Variants in IMPG2 observed in about 807,000 individuals in gnomAD.
The protein encoded by IMPG2 is interphotoreceptor matrix proteoglycan 2, also known as IPM 200.
IMPG2 carries 91 observed loss-of-function variants against 129.2 expected under a neutral mutation model. The ratio of observed to expected loss-of-function variants is 0.70; its 90% CI spans 0.59 to 0.84. The LOEUF (loss-of-function observed/expected upper bound fraction) is 0.84, where lower values mean the gene tolerates loss of function less well. Among genes scored for constraint, IMPG2 ranks in the 40% least tolerant of loss-of-function variants. IMPG2 has a pLI of 0.00. For synonymous variants in IMPG2, 510 were observed against 517.7 expected, an observed-to-expected ratio of 0.99 and a Z score of 0.20; for missense variants, 1,430 against 1,461.7, an observed-to-expected ratio of 0.98 and a Z score of 0.35.
At chr3:101,240,572 C>A (rs1706395992) in intron 14 of IMPG2, among the ~76,000 whole-genome samples, 1 of 152,154 alleles carries the variant, frequency 6.6e-6, no homozygotes, top group Non-Finnish European at 1.5e-5. Flanking sequence ...CAATATTACC[C>A]CCATTTAATA....
Position 101,229,471 on chromosome 3 carries a change from G to A in IMPG2, c.3542C>T (p.Pro1181Leu), listed in dbSNP as rs1332601267. ...EKYEGPYPQH[P>L]FYSSASGDVI... ...GTCTCCGCTAGCAGAGCTGTAGAAG[G>A]GATGCTGAGGATAGGGTCCCTCATA... The change falls in exon 17 of 19, where the codon CCC becomes CTC. Residue 1181 changes from proline to leucine, a missense_variant. Pro to Leu is a moderately conservative substitution (Grantham distance 98, BLOSUM62 -3). Transcript: ENST00000193391. The A allele has an allele frequency of 1.2e-6, 2 of 1,613,408 alleles. No homozygotes were observed. Among genetic ancestry groups the A allele is most frequent in the Non-Finnish European group, 1.7e-6 (2 of 1,180,016 alleles).
Position 101,245,787 on chromosome 3 carries a change from A to G in IMPG2, c.1543+15T>C, listed in dbSNP as rs1706469318. ...GATACAATAAGAAGTACGAAAAGCA[A>G]TTAAAGTTTCTCACCATCTTCTACC... On this transcript the variant is annotated intron_variant, in intron 12 of 18. Coordinates refer to ENST00000193391, the MANE Select transcript of IMPG2 (RefSeq NM_016247.4). 2 of 1,611,156 alleles carry G rather than the reference A, an allele frequency of 1.2e-6. No homozygotes were observed. The highest frequency in any genetic ancestry group is 1.7e-6 in the Non-Finnish European group (2 of 1,177,508).
Position 101,244,514 on chromosome 3 carries a change from C to T in IMPG2, c.1817G>A (p.Gly606Glu), listed in dbSNP as rs1358493729. Residue 606 changes from glycine (G) to glutamate (E), a missense_variant, in exon 13 of 19, where the codon GGG (glycine) becomes GAG (glutamate). Transcript: ENST00000193391. ...IFDGGLGSGS[G>E]QKVDLITWPW... ...CCAAGTAATCAGATCTACCTTTTGC[C>T]CAGACCCTGAACCTAAACCACCGTC... is the stretch of plus-strand genomic sequence containing the variant. 6.2e-7 allele frequency: 1 copy of T among 1,607,658 alleles called. No individual in the cohort carries two copies. The highest frequency in any genetic ancestry group is 1.1e-5 in the South Asian group (1 of 90,372).
chr3:101,270,718 T>A (rs1376214531), intron 7 of IMPG2, among the ~76,000 whole-genome samples: 2 of 151,962 alleles, frequency 1.3e-5, no homozygotes, highest in Admixed American at 6.6e-5. Flanking sequence ...GAGAATGGCG[T>A]GAACCCGGGA....
At chr3:101,303,587 AG>A (rs1191581069) in intron 3 of IMPG2, among the ~76,000 whole-genome samples, 26 of 152,328 alleles carry the variant, frequency 1.7e-4, no homozygotes, top group African/African-American at 6.0e-4. Flanking sequence ...CTACACGAAA[AG>A]GGAAAAGTGG....
chr3:101,261,295 G>A (rs546161183), intron 9 of IMPG2, among the ~76,000 whole-genome samples: 60 of 152,140 alleles, frequency 3.9e-4, no homozygotes, highest in Non-Finnish European at 7.6e-4. Context: ...AAAGGAGGAG[G>A]AGGAAAGGCT....
intron 3 of IMPG2, among the ~76,000 whole-genome samples, chr3:101,297,329 A>AT (rs1707091357): frequency 1.3e-5 from 2 of 149,366 alleles, no homozygotes; most frequent in Admixed American, 6.6e-5. Context: ...TATTTTGTAA[A>AT]TTTTTTCAGA....
At chr3:101,276,771 G>A in intron 4 of IMPG2, 58 bp from the exon 5 acceptor site, 2 of 1,335,292 alleles carry the variant, frequency 1.5e-6, no homozygotes, top group Non-Finnish European at 2.1e-6. Context: ...GTTTATTTTG[G>A]GATTTTTGGG....
chr3:101,253,602 A>G (rs2107229761), intron 11 of IMPG2, 94 bp downstream of exon 11: 6 of 833,418 alleles, frequency 7.2e-6, no homozygotes, highest in Non-Finnish European at 1.2e-5. Flanking sequence ...AAATGAGAAC[A>G]GCTTGGGAAA....
chr3:101,243,983 A>T lies in IMPG2; in HGVS notation c.2348T>A (p.Val783Asp), dbSNP rs1159773132. The T allele has an allele frequency of 6.2e-6, 10 of 1,614,016 alleles. No homozygotes were observed. The highest frequency in any genetic ancestry group is 8.5e-6 in the Non-Finnish European group (10 of 1,179,980). Residue 783 changes from valine to aspartate, a missense_variant, in exon 13 of 19, where the codon GTT becomes GAT. Val to Asp is a radical substitution (Grantham distance 152, BLOSUM62 -3). Coordinates refer to ENST00000193391, the MANE Select transcript of IMPG2 (RefSeq NM_016247.4). Reference protein sequence around the residue: ...LWTILPESERVWTRTSSLEKL... With the variant: ...LWTILPESERDWTRTSSLEKL... ...CTCTAGGGAAGAAGTTCTTGTCCAAACTCTCTCTGATTCTGGCAATATAGT... is the reference window on the plus strand; with the variant it reads ...CTCTAGGGAAGAAGTTCTTGTCCAATCTCTCTCTGATTCTGGCAATATAGT...
At chr3:101,264,404 A>G (rs1199243219) in intron 9 of IMPG2, among the ~76,000 whole-genome samples, 2 of 152,140 alleles carry the variant, frequency 1.3e-5, no homozygotes, top group African/African-American at 4.8e-5. Flanking sequence ...AACATATGCA[A>G]ATCAATAAGG....
intron 2 of IMPG2, among the ~76,000 whole-genome samples, chr3:101,315,668 C>G: frequency 6.6e-6 from 1 of 152,030 alleles, no homozygotes; most frequent in Admixed American, 6.6e-5. Flanking sequence ...TGGTCCCAAG[C>G]ATTTTGGATA....
At position 101,273,649 on chromosome 3, in the gene IMPG2, A is replaced by G. The variant is rs1243094026; in HGVS notation, c.760T>C (p.Tyr254His). ...EFSIHLLGKQ[Y>H]REELQDSSSF... ...GAGGAATCCTGTAGTTCTTCCCTGT[A>G]CTGCTTCCCCAAAAGGTGGATACTG... Residue 254 changes from tyrosine to histidine, a missense_variant, in exon 7 of 19, where the codon TAC (tyrosine) becomes CAC (histidine). Transcript: ENST00000193391. 3 of 1,614,124 alleles carry G rather than the reference A, an allele frequency of 1.9e-6. No individual in the cohort carries two copies. Among genetic ancestry groups the G allele is most frequent in the Non-Finnish European group, 2.5e-6 (3 of 1,180,000 alleles).
rs1303832039 is a variant in IMPG2, at chr3:101,243,601, C to T, written c.2730G>A (p.Met910Ile). The T allele has an allele frequency of 1.2e-6, 2 of 1,613,866 alleles. No individual in the cohort carries two copies. Among genetic ancestry groups the T allele is most frequent in the East Asian group, 4.5e-5 (2 of 44,854 alleles). ...TATTAAACAGATCTTCTGAAAACAT[C>T]ATGTTAGTCACTCGGAGGCTGAAGA... ...VVFFSLRVTN[M>I]MFSEDLFNKN... The change falls in exon 13 of 19, where the codon ATG (methionine) becomes ATA (isoleucine). Residue 910 changes from methionine (M) to isoleucine (I), a missense_variant. Coordinates refer to ENST00000193391, the MANE Select transcript of IMPG2 (RefSeq NM_016247.4).
At chr3:101,257,846 GAACA>G (rs1706628583) in intron 9 of IMPG2, 73 bp from the exon 10 acceptor site, 8 of 1,538,392 alleles carry the variant, frequency 5.2e-6, no homozygotes, top group South Asian at 1.1e-5. Flanking sequence ...AACCCATGAA[GAACA>G]AACATTGGAC....
intron 9 of IMPG2, among the ~76,000 whole-genome samples, chr3:101,262,822 T>C (rs1706684428): frequency 6.8e-6 from 1 of 146,696 alleles, no homozygotes; most frequent in Non-Finnish European, 1.5e-5. Context: ...ACATGACCTA[T>C]AAAGACACAT....
rs561997515 is a variant in IMPG2, at chr3:101,241,297, A to G, written c.3022+1391T>C. On this transcript the variant is annotated intron_variant, in intron 14 of 18. Coordinates refer to ENST00000193391, the MANE Select transcript of IMPG2 (RefSeq NM_016247.4). ...GTGAGTCAATGAAAAGTCCTGAGGA[A>G]GCGACATTTGAACTGAGGCACATGG... Among the ~76,000 whole-genome samples, 6 of 152,366 alleles carry G rather than the reference A, an allele frequency of 3.9e-5. No individual in the cohort carries two copies. The East Asian group carries it at 9.6e-4, about 24-fold the overall frequency.
chr3:101,246,230 T>C (rs991337769), intron 11 of IMPG2, 125 bp from the exon 12 acceptor site: 1 of 837,416 alleles, frequency 1.2e-6, no homozygotes, highest in African/African-American at 1.7e-5. Flanking sequence ...GTATTAATAA[T>C]ATTAGGAGTA....
At chr3:101,320,249 G>T in intron 1 of IMPG2, 39 bp downstream of exon 1, 2 of 1,151,964 alleles carry the variant, frequency 1.7e-6, no homozygotes, top group Non-Finnish European at 2.6e-6. Flanking sequence ...ATATACTACA[G>T]ATATGGAAAG....
Sources: allele counts gnomAD v4.1 joint callset (sites outside exome capture counted in the v4.1 genomes callset), GRCh38; gene constraint gnomAD v4.1.1; transcripts MANE v1.5; gene names NCBI Gene and HGNC (gene_info 2026-07-23, HGNC 2026-07-21).